Variants in XIRP2 observed in about 807,000 individuals in gnomAD.
The protein encoded by XIRP2 is xin actin-binding repeat-containing protein 2.
XIRP2 carries 236 observed loss-of-function variants against 277.0 expected under a neutral mutation model. That is an observed-to-expected ratio of 0.85 (90% CI 0.77 to 0.95). XIRP2 has a LOEUF of 0.95. Ranked by LOEUF, XIRP2 falls within the 40% of genes least tolerant of loss-of-function variation. XIRP2 has a pLI of 0.00. For missense variants in XIRP2, 4,640 were observed against 4,157.5 expected (o/e 1.12, Z -3.19); for synonymous variants, 1,490 against 1,416.5 (o/e 1.05, Z -1.17).
intron 2 of XIRP2, among the ~76,000 whole-genome samples, chr2:167,011,789 G>A (rs1047448680): frequency 2.0e-5 from 3 of 152,074 alleles, no homozygotes; most frequent in Non-Finnish European, 2.9e-5. Context: ...CTTCTTCCTG[G>A]TTTAGTGTTG....
chr2:166,895,175 C>A (rs540190794), intron 1 of XIRP2, among the ~76,000 whole-genome samples: 3 of 152,172 alleles, frequency 2.0e-5, no homozygotes, highest in Non-Finnish European at 4.4e-5. Context: ...GAGTTTACTA[C>A]TTTAATTAGA....
At chr2:166,913,051 A>G (rs964789728) in intron 2 of XIRP2, among the ~76,000 whole-genome samples, 1 of 152,222 alleles carries the variant, frequency 6.6e-6, no homozygotes, top group African/African-American at 2.4e-5. Flanking sequence ...CTCAGGGGTC[A>G]GGGACCCACT....
At chr2:167,101,989 A>G (rs1181302885) in intron 2 of XIRP2, among the ~76,000 whole-genome samples, 2 of 152,204 alleles carry the variant, frequency 1.3e-5, no homozygotes, top group East Asian at 3.9e-4. Context: ...GAAGTGATAG[A>G]GGAGGTGGTG....
In XIRP2 at chr2:167,251,574, TAGAGA is replaced by T. The variant is rs763609591; in HGVS notation, c.10184_10188del (p.Arg3395ThrfsTer8). On this transcript the variant is annotated frameshift_variant, in exon 9 of 11. Transcript: ENST00000409195. LOFTEE classifies it high-confidence loss of function. ...TTACAGACTTTTCTTGCAAACATCCTAGAGAACTGCGAGAAAAGATTCCTGTTAAG... is the reference window on the plus strand; with the variant it reads ...TTACAGACTTTTCTTGCAAACATCCTACTGCGAGAAAAGATTCCTGTTAAG... The T allele has an allele frequency of 3.7e-6, 6 of 1,613,546 alleles. No individual in the cohort carries two copies. The highest frequency in any genetic ancestry group is 5.1e-6 in the Non-Finnish European group (6 of 1,179,636).
intron 2 of XIRP2, among the ~76,000 whole-genome samples, chr2:167,120,770 C>G (rs552776040): frequency 2.4e-4 from 36 of 152,108 alleles, no homozygotes; most frequent in Non-Finnish European, 4.1e-4. Flanking sequence ...TATAAATATT[C>G]AGACCCTATT....
chr2:167,084,628 T>C (rs1378264247), intron 2 of XIRP2, among the ~76,000 whole-genome samples: 1 of 151,974 alleles, frequency 6.6e-6, no homozygotes, highest in Non-Finnish European at 1.5e-5. Flanking sequence ...ATCCTGTTAT[T>C]GGTCTATTCA....
intron 5 of XIRP2, among the ~76,000 whole-genome samples, chr2:167,235,019 T>G (rs922547377): frequency 2.0e-5 from 3 of 151,870 alleles, no homozygotes; most frequent in African/African-American, 7.2e-5. Flanking sequence ...TTTCCTATGT[T>G]GAAAGAATCC....
chr2:167,219,472 C>T (rs1393029747), intron 5 of XIRP2, among the ~76,000 whole-genome samples: 2 of 152,130 alleles, frequency 1.3e-5, no homozygotes, highest in Admixed American at 6.5e-5. Flanking sequence ...AGATCCTTCA[C>T]TTTGAAGGGA....
intron 2 of XIRP2, among the ~76,000 whole-genome samples, chr2:166,973,028 C>A (rs754331729): frequency 6.6e-6 from 1 of 152,118 alleles, no homozygotes; most frequent in Non-Finnish European, 1.5e-5. Context: ...TTTTAACTTA[C>A]ATTTTCTAGC....
At chr2:166,996,627 AAAAAAT>A (rs1687228212) in intron 2 of XIRP2, among the ~76,000 whole-genome samples, 1 of 152,186 alleles carries the variant, frequency 6.6e-6, no homozygotes, top group African/African-American at 2.4e-5. Flanking sequence ...ACTTTTTCCC[AAAAAAT>A]AAAAATAAAT....
At chr2:167,077,011 T>G (rs995429451) in intron 2 of XIRP2, among the ~76,000 whole-genome samples, 4 of 151,900 alleles carry the variant, frequency 2.6e-5, no homozygotes, top group Non-Finnish European at 2.9e-5. Context: ...TTGTGTGTTT[T>G]TTTGTTTGTT....
chr2:166,956,635 C>A (rs111768996), intron 2 of XIRP2, among the ~76,000 whole-genome samples: 1 of 151,782 alleles, frequency 6.6e-6, no homozygotes, highest in Non-Finnish European at 1.5e-5. Context: ...TGTCAGGTCC[C>A]ATAGTCTTCA....
At chr2:167,251,986 T>C (rs749104276) in intron 9 of XIRP2, 39 bp downstream of exon 9, 1 of 1,515,482 alleles carries the variant, frequency 6.6e-7, no homozygotes, top group South Asian at 1.4e-5. Context: ...GATTAACCAT[T>C]TAAAGGCATG....
intron 3 of XIRP2, among the ~76,000 whole-genome samples, chr2:167,154,830 A>G (rs1242806583): frequency 6.6e-6 from 1 of 152,138 alleles, no homozygotes; most frequent in Non-Finnish European, 1.5e-5. Context: ...AAGGATCAAC[A>G]AAATTGATAG....
In XIRP2 at chr2:167,249,034, G is replaced by A; in HGVS notation, c.7642G>A (p.Glu2548Lys). ...RKFKTPLMIA[E>K]EKYRQQKEEI... ...ATTTAAGACACCTTTAATGATTGCT[G>A]AAGAAAAATATAGACAACAAAAAGA... is the stretch of plus-strand genomic sequence containing the variant. Residue 2548 changes from glutamate (E) to lysine (K), a missense_variant, in exon 9 of 11, where the codon GAA becomes AAA. Glu to Lys is a moderately conservative substitution (Grantham distance 56). Transcript: ENST00000409195. The A allele has an allele frequency of 6.2e-7, 1 of 1,611,068 alleles. No individual in the cohort carries two copies.
chr2:167,170,981 C>T (rs1347788257), intron 3 of XIRP2, among the ~76,000 whole-genome samples: 2 of 150,342 alleles, frequency 1.3e-5, no homozygotes, highest in African/African-American at 2.5e-5. Flanking sequence ...CTCACTGCAC[C>T]CTCCGCCTCC....
At position 167,259,554 on chromosome 2, in the gene XIRP2, TA is replaced by T; in HGVS notation, c.*1738del. The T allele has an allele frequency of 1.8e-6, 1 of 541,372 alleles. No homozygotes were observed. The highest frequency in any genetic ancestry group is 3.2e-6 in the Non-Finnish European group (1 of 316,714). 33.5% of individuals were successfully genotyped at this position (541,372 alleles called of 1,614,324 possible). A position where few individuals can be genotyped will look rare whatever the true frequency, so the allele number is the denominator to read the frequency against. ...ATTTTTTTCACAATTTATTTACATC[TA>T]CTTTTGTTTGAACTGGAATGAAGAG... is the stretch of plus-strand genomic sequence containing the variant. On this transcript the variant is annotated 3_prime_UTR_variant, in exon 11 of 11. Coordinates refer to ENST00000409195, the MANE Select transcript of XIRP2 (RefSeq NM_152381.6).
chr2:167,164,108 G>A (rs750459914), intron 3 of XIRP2, among the ~76,000 whole-genome samples: 50 of 152,264 alleles, frequency 3.3e-4, no homozygotes, highest in East Asian at 3.9e-4. Context: ...TGGCTACAGT[G>A]CCAAAAGAAT....
Position 167,248,532 on chromosome 2 carries a change from T to C in XIRP2, c.7140T>C (p.Leu2380=), listed in dbSNP as rs1180883813. The C allele has an allele frequency of 6.2e-7, 1 of 1,613,620 alleles. No individual in the cohort carries two copies. Among genetic ancestry groups the C allele is most frequent in the East Asian group, 2.2e-5 (1 of 44,864 alleles). Residue 2380 remains leucine, a synonymous_variant, in exon 9 of 11, where the codon CTT becomes CTC. Coordinates refer to ENST00000409195, the MANE Select transcript of XIRP2 (RefSeq NM_152381.6). ...CATCTCAAAAGCCAGCACATCTCCT[T>C]TCCTCCTCTGCTCCGGAAAAGCACA... ...PTPSQKPAHL[L]SSSAPEKHSG... is the part of the protein sequence containing the mutation.
Sources: allele counts gnomAD v4.1 joint callset (sites outside exome capture counted in the v4.1 genomes callset), GRCh38; gene constraint gnomAD v4.1.1; transcripts MANE v1.5; gene names NCBI Gene and HGNC (gene_info 2026-07-23, HGNC 2026-07-21).